The following SPATA2L variants were observed in gnomAD, a reference collection of about 807,000 sequenced individuals.
The protein encoded by SPATA2L is spermatogenesis associated 2 like.
Under a neutral mutation model 8.7 loss-of-function variants are expected in SPATA2L, and 5 were observed. The ratio of observed to expected loss-of-function variants is 0.57; its 90% CI spans 0.30 to 1.21. SPATA2L has a LOEUF of 1.21. Among genes scored for constraint, SPATA2L ranks in the 50% most tolerant of loss-of-function variants. SPATA2L has a pLI of 0.07. For synonymous variants in SPATA2L, 358 were observed against 275.8 expected, an observed-to-expected ratio of 1.30 and a Z score of -2.95; for missense variants, 671 against 591.0, an observed-to-expected ratio of 1.14 and a Z score of -1.40.
chr16:89,700,242 A>C (rs1023039680), intron 2 of SPATA2L, among the ~76,000 whole-genome samples: 13 of 152,200 alleles, frequency 8.5e-5, no homozygotes, highest in African/African-American at 3.1e-4. Context: ...CTCATGAATG[A>C]AAGTCCTGGC....
chr16:89,696,814 G>C lies in SPATA2L; in HGVS notation c.*520C>G. The C allele has an allele frequency of 6.5e-7, 1 of 1,534,572 alleles. No homozygotes were observed. The highest frequency in any genetic ancestry group is 8.7e-7 in the Non-Finnish European group (1 of 1,146,024). On this transcript the variant is annotated 3_prime_UTR_variant, in exon 3 of 3. Coordinates refer to ENST00000289805, the MANE Select transcript of SPATA2L (RefSeq NM_152339.4). ...CAAGGGGAGGGCCGGCGTCCCCGAA[G>C]CCAGGTCAGCCGTGCACCCGGCAGA... is the stretch of plus-strand genomic sequence containing the variant.
At position 89,696,913 on chromosome 16, in the gene SPATA2L, CGTGTGGA is replaced by C. The variant is rs1369403195; in HGVS notation, c.*414_*420del. ...TCACCAACAGGCCCTTGAGGACACT[CGTGTGGA>C]GAATCCCTGGGACACGTGGAGGACC... On this transcript the variant is annotated 3_prime_UTR_variant, in exon 3 of 3. Transcript: ENST00000289805. 3 of 1,528,262 alleles carry C rather than the reference CGTGTGGA, an allele frequency of 2.0e-6. No individual in the cohort carries two copies. The African/African-American group carries it at 4.1e-5, about 21-fold the overall frequency. The allele number at this position is 1,528,262 out of a possible 1,614,324, so 94.7% of individuals were successfully genotyped here.
At chr16:89,700,165 C>T (rs542649316) in intron 2 of SPATA2L, among the ~76,000 whole-genome samples, 1 of 152,364 alleles carries the variant, frequency 6.6e-6, no homozygotes, top group Middle Eastern at 3.4e-3. Flanking sequence ...GGCTGTCCGG[C>T]ACTGAAGCCG....
intron 2 of SPATA2L, 95 bp downstream of exon 2, chr16:89,700,835 C>A (rs1383529085): frequency 2.3e-6 from 3 of 1,311,614 alleles, no homozygotes; most frequent in Non-Finnish European, 3.0e-6. Flanking sequence ...ACACTTGAAG[C>A]CCCTCTCTCT....
At chr16:89,700,511 G>T (rs935227156) in intron 2 of SPATA2L, among the ~76,000 whole-genome samples, 4 of 152,330 alleles carry the variant, frequency 2.6e-5, no homozygotes, top group Non-Finnish European at 1.5e-5. Flanking sequence ...GACTTCACAG[G>T]GATGCACCCA....
chr16:89,697,674 A>G lies in SPATA2L; in HGVS notation c.935T>C (p.Leu312Pro). ...PEPSAFSFLSLRRELSRPGDL... is the reference protein window; with the variant it reads ...PEPSAFSFLSPRRELSRPGDL... Reference sequence around the variant, plus strand: ...CCCAGGCCTACTCAGCTCACGGCGCAGAGAGAGGAAGGAGAAGGCGGAAGG... The same window carrying G: ...CCCAGGCCTACTCAGCTCACGGCGCGGAGAGAGGAAGGAGAAGGCGGAAGG... The change falls in exon 3 of 3, where the codon CTG becomes CCG. Residue 312 changes from leucine (L) to proline (P), a missense_variant. Transcript: ENST00000289805. 3 of 1,611,404 alleles carry G rather than the reference A, an allele frequency of 1.9e-6. No individual in the cohort carries two copies. The highest frequency in any genetic ancestry group is 2.5e-6 in the Non-Finnish European group (3 of 1,179,782).
chr16:89,700,310 A>G (rs554387910), intron 2 of SPATA2L, among the ~76,000 whole-genome samples: 95 of 152,338 alleles, frequency 6.2e-4, no homozygotes, highest in Admixed American at 4.2e-3. Context: ...TGCCATGGCA[A>G]CCGGCGGAGG....
At chr16:89,698,762 C>G (rs1481502405) in intron 2 of SPATA2L, among the ~76,000 whole-genome samples, 4 of 151,470 alleles carry the variant, frequency 2.6e-5, no homozygotes, top group African/African-American at 9.7e-5. Context: ...GCTGGGATTA[C>G]AAGCGTGAGC....
Position 89,698,007 on chromosome 16 carries a change from T to C in SPATA2L, c.602A>G (p.Gln201Arg), listed in dbSNP as rs1295415127. 2.5e-6 allele frequency: 4 copies of C among 1,600,630 alleles called. No individual in the cohort carries two copies. Among genetic ancestry groups the C allele is most frequent in the Non-Finnish European group, 3.4e-6 (4 of 1,177,522 alleles). The change falls in exon 3 of 3, where the codon CAG becomes CGG. Residue 201 changes from glutamine (Q) to arginine (R), a missense_variant. Transcript: ENST00000289805. ...DVASCVAWLQ[Q>R]RLAQDEEPPP... ...CGGCTCCTCATCCTGGGCCAGCCGCTGCTGCAGCCAGGCCACACAGGAGGC... is the reference window on the plus strand; with the variant it reads ...CGGCTCCTCATCCTGGGCCAGCCGCCGCTGCAGCCAGGCCACACAGGAGGC...
rs1001291191 is a variant in SPATA2L, at chr16:89,696,914, G to C, written c.*420C>G. ...CACCAACAGGCCCTTGAGGACACTC[G>C]TGTGGAGAATCCCTGGGACACGTGG... On this transcript the variant is annotated 3_prime_UTR_variant, in exon 3 of 3. Coordinates refer to ENST00000289805, the MANE Select transcript of SPATA2L (RefSeq NM_152339.4). 4 of 1,527,154 alleles carry C rather than the reference G, an allele frequency of 2.6e-6. No homozygotes were observed. The highest frequency in any genetic ancestry group is 2.4e-5 in the South Asian group (2 of 83,038). The allele number at this position is 1,527,154 out of a possible 1,614,324, so 94.6% of individuals were successfully genotyped here.
At position 89,696,825 on chromosome 16, in the gene SPATA2L, C is replaced by T. The variant is rs542172981; in HGVS notation, c.*509G>A. ...CCGGCGTCCCCGAAGCCAGGTCAGC[C>T]GTGCACCCGGCAGAGCCCCGCAGAT... On this transcript the variant is annotated 3_prime_UTR_variant, in exon 3 of 3. Transcript: ENST00000289805. 6.9e-5 allele frequency: 106 copies of T among 1,535,120 alleles called. No individual in the cohort carries two copies. Among genetic ancestry groups the T allele is most frequent in the Middle Eastern group, 3.4e-4 (2 of 5,970 alleles).
At position 89,701,058 on chromosome 16, in the gene SPATA2L, C is replaced by G; in HGVS notation, c.175G>C (p.Asp59His). 1 of 1,573,564 alleles carries G rather than the reference C, an allele frequency of 6.4e-7. No individual in the cohort carries two copies. Among genetic ancestry groups the G allele is most frequent in the Non-Finnish European group, 8.6e-7 (1 of 1,163,808 alleles). The part of the protein sequence containing the change: ...LQDDALALLT[D>H]GLWGRADLAP... Reference sequence around the variant, plus strand: ...AGGTCGGCGCGGCCCCACAGCCCGTCGGTGAGCAGAGCCAGCGCGTCGTCC... The same window carrying G: ...AGGTCGGCGCGGCCCCACAGCCCGTGGGTGAGCAGAGCCAGCGCGTCGTCC... Residue 59 changes from aspartate (D) to histidine (H), a missense_variant, in exon 2 of 3, where the codon GAC becomes CAC. By Grantham distance (81) the Asp-to-His change is moderately conservative. Coordinates refer to ENST00000289805, the MANE Select transcript of SPATA2L (RefSeq NM_152339.4).
Position 89,701,046 on chromosome 16 carries a change from C to G in SPATA2L, c.187G>C (p.Gly63Arg), listed in dbSNP as rs1174144168. ...AGCGCGGGCGCCAGGTCGGCGCGGC[C>G]CCACAGCCCGTCGGTGAGCAGAGCC... ...ALALLTDGLW[G>R]RADLAPALRG... Residue 63 changes from glycine (G) to arginine (R), a missense_variant, in exon 2 of 3, where the codon GGC (glycine) becomes CGC (arginine). By Grantham distance (125) the Gly-to-Arg change is moderately radical. Transcript: ENST00000289805. 8.3e-6 allele frequency: 13 copies of G among 1,572,252 alleles called. No homozygotes were observed. The highest frequency in any genetic ancestry group is 1.1e-5 in the Non-Finnish European group (13 of 1,162,670).
intron 2 of SPATA2L, 86 bp from the exon 3 acceptor site, chr16:89,698,391 A>T: frequency 1.4e-6 from 2 of 1,434,728 alleles, no homozygotes; most frequent in Non-Finnish European, 1.8e-6. Context: ...CTGTTGGCTC[A>T]GGCCTTGGCA....
Position 89,701,174 on chromosome 16 carries a change from C to A in SPATA2L, c.59G>T (p.Arg20Leu). 6.7e-7 allele frequency: 1 copy of A among 1,488,370 alleles called. No homozygotes were observed. The highest frequency in any genetic ancestry group is 8.9e-7 in the Non-Finnish European group (1 of 1,122,470). The allele number at this position is 1,488,370 out of a possible 1,614,324, so 92.2% of individuals were successfully genotyped here. Residue 20 changes from arginine to leucine, a missense_variant, in exon 2 of 3, where the codon CGG becomes CTG. Coordinates refer to ENST00000289805, the MANE Select transcript of SPATA2L (RefSeq NM_152339.4). ...GTCCCCGCACACGCCCGCGCGGCCC[C>A]GTCGCAGCTCGCGCTCCAGGCACTG... ...YRQCLERELR[R>L]GRAGVCGDPS...
rs1344477316 is a variant in SPATA2L at position 89,697,873 on chromosome 16, G to T, written c.736C>A (p.Pro246Thr). The T allele has an allele frequency of 1.2e-6, 2 of 1,611,662 alleles. No individual in the cohort carries two copies. The highest frequency in any genetic ancestry group is 4.5e-5 in the East Asian group (2 of 44,846). The change falls in exon 3 of 3, where the codon CCG becomes ACG. Residue 246 changes from proline to threonine, a missense_variant. Coordinates refer to ENST00000289805, the MANE Select transcript of SPATA2L (RefSeq NM_152339.4). ...GGGGGCGAGTCAGGGCCTGGTGACG[G>T]CTCCCCATACAGGCTGGCGTCCTCC... ...GSEDASLYGE[P>T]SPGPDSPPAE...
Position 89,697,517 on chromosome 16 carries a change from G to A in SPATA2L, c.1092C>T (p.Gly364=), listed in dbSNP as rs370645969. ...TGTCGCAGCAGAGGGTGGGCAGGGC[G>A]CCAGGGGACAGGCAGCTGTGTGCCT... ...GYQAHSCLSP[G]ALPTLCCDTC... Residue 364 remains glycine (G), a synonymous_variant, in exon 3 of 3, where the codon GGC becomes GGT. Transcript: ENST00000289805. 5.1e-5 allele frequency: 82 copies of A among 1,596,922 alleles called. No homozygotes were observed. The highest frequency in any genetic ancestry group is 1.4e-4 in the Admixed American group (8 of 59,232).
At position 89,698,141 on chromosome 16, in the gene SPATA2L, G is replaced by A. The variant is rs3751695; in HGVS notation, c.468C>T (p.Phe156=). The change falls in exon 3 of 3, where the codon TTC becomes TTT. Residue 156 remains phenylalanine (F), a synonymous_variant. Transcript: ENST00000289805. ...CQLVQVALGC[F]ALRLECEILG... ...GGATCTCACACTCCAGCCGGAGGGC[G>A]AAGCAGCCCAGGGCCACCTGCACCA... is the stretch of plus-strand genomic sequence containing the variant. 292,710 of 1,610,552 alleles carry A rather than the reference G, an allele frequency of 0.18. 28,802 individuals carry two copies. The highest frequency in any genetic ancestry group is 0.36 in the Admixed American group (21,459 of 59,876).
At position 89,697,786 on chromosome 16, in the gene SPATA2L, C is replaced by A; in HGVS notation, c.823G>T (p.Gly275Cys). 1.3e-6 allele frequency: 2 copies of A among 1,599,940 alleles called. No individual in the cohort carries two copies. The highest frequency in any genetic ancestry group is 2.3e-5 in the East Asian group (1 of 43,892). ...TCAGCTGGGGGCTCCCAGGCCCGGC[C>A]CCCAGTGCCCCACAGTTTGGCACTC... ...EQSAKLWGTG[G>C]RAWEPPAEEL... Residue 275 changes from glycine (G) to cysteine (C), a missense_variant, in exon 3 of 3, where the codon GGC becomes TGC. By Grantham distance (159) the Gly-to-Cys change is radical. Coordinates refer to ENST00000289805, the MANE Select transcript of SPATA2L (RefSeq NM_152339.4).
Sources: gnomAD v4.1 joint callset for allele counts (sites outside exome capture counted in the v4.1 genomes callset) on GRCh38, gnomAD v4.1.1 for gene constraint, MANE v1.5 for transcripts, NCBI Gene and HGNC (gene_info 2026-07-23, HGNC 2026-07-21) for gene names.